The following NBPF20 variants were observed in gnomAD, a reference collection of about 807,000 sequenced individuals.
The protein encoded by NBPF20 is NBPF family member NBPF20.
In NBPF20, 90 loss-of-function variants were observed where a neutral mutation model predicts 68.1. The ratio of observed to expected loss-of-function variants is 1.32; its 90% confidence interval spans 1.11 to 1.58. NBPF20 has a LOEUF of 1.58. NBPF20 is among the 40% of genes most tolerant of loss of function. The pLI is 0.00. For synonymous variants in NBPF20, 290 were observed against 228.1 expected (o/e 1.27, Z -2.45); for missense variants, 816 against 601.2 (o/e 1.36, Z -3.74).
At chr1:145,392,967 C>T in intron 10 of NBPF20, 107 bp downstream of exon 15, 7 of 343,856 alleles carry the variant, frequency 2.0e-5, no homozygotes, top group South Asian at 1.3e-4. Flanking sequence ...TAGGACCTCC[C>T]TGTGGCAATG....
chr1:145,306,148 G>C, intron 119 of NBPF20, 83 bp from the exon 125 acceptor site: 1 of 325,452 alleles, frequency 3.1e-6, no homozygotes, highest in South Asian at 3.4e-5. Context: ...GGGTAGCATA[G>C]GGAAGTGGTT....
chr1:145,419,213 T>G, the NBPF20 span, among the ~76,000 whole-genome samples: 4 of 127,806 alleles, frequency 3.1e-5, no homozygotes, highest in Admixed American at 1.6e-4. Flanking sequence ...AGAAAAAGAG[T>G]GGGAGAGAAG....
intron 7 of NBPF20, among the ~76,000 whole-genome samples, chr1:145,398,441 C>A (rs1353134566): frequency 2.4e-4 from 36 of 152,178 alleles, no homozygotes; most frequent in Admixed American, 1.4e-3. Flanking sequence ...AACCGCACAA[C>A]TACATGGAAA....
the NBPF20 span, among the ~76,000 whole-genome samples, chr1:145,425,315 G>A: frequency 6.5e-5 from 9 of 138,526 alleles, no homozygotes; most frequent in Non-Finnish European, 1.2e-4. Flanking sequence ...CGCGGGTCCC[G>A]GACTCACCGC....
chr1:145,400,999 C>T lies in NBPF20; in HGVS notation c.566+60G>A, dbSNP rs1662496605. The stretch of plus-strand genomic sequence containing the variant: ...GATCATAGATGCCAGAGAGGGTGTG[C>T]CTCCTAGATATTCCTCATATGTTAC... On this transcript the variant is annotated intron_variant, in intron 5 of 137. Transcript: ENST00000369373. The T allele has an allele frequency of 2.8e-5, 42 of 1,527,200 alleles. No homozygotes were observed. The South Asian group carries it at 3.8e-4, about 14-fold the overall frequency. 94.6% of individuals were successfully genotyped at this position (1,527,200 alleles called of 1,614,324 possible). A position where few individuals can be genotyped will look rare whatever the true frequency, so the allele number is the denominator to read the frequency against.
In NBPF20 at chr1:145,400,571, T is replaced by C. The variant is rs1433220737; in HGVS notation, c.590A>G (p.Lys197Arg). Residue 197 changes from lysine to arginine, a missense_variant, in exon 6 of 138, where the codon AAG (lysine) becomes AGG (arginine). Transcript: ENST00000369373. ...CTCCTGTGAGTCCTCAGGGACTTCC[T>C]TTTCTTCAGCCTTCTGCATCTCCCT... 893 of 1,612,162 alleles carry C rather than the reference T, an allele frequency of 5.5e-4. 10 individuals carry two copies. In the East Asian group the frequency reaches 0.016, roughly 28 times the overall value.
chr1:145,312,277 A>G, exon 112 of NBPF20: 1 of 132,464 alleles, frequency 7.5e-6, no homozygotes, highest in South Asian at 4.9e-5. Flanking sequence ...TAGGGCTGGC[A>G]TGAGTCAGTC....
chr1:145,408,468 A>G (rs2749201), upstream of NBPF20, among the ~76,000 whole-genome samples: 2 of 152,044 alleles, frequency 1.3e-5, no homozygotes, highest in African/African-American at 2.4e-5. Context: ...GTATTCTTTC[A>G]CTTTGATATA....
chr1:145,417,681 T>C, the NBPF20 span, among the ~76,000 whole-genome samples: 1 of 129,556 alleles, frequency 7.7e-6, no homozygotes, highest in Non-Finnish European at 1.6e-5. Flanking sequence ...GATATACAGA[T>C]GGCAAATAAG....
intron 3 of NBPF20, among the ~76,000 whole-genome samples, 153 bp downstream of exon 8, chr1:145,403,063 T>C (rs1460294801): frequency 1.3e-4 from 20 of 152,208 alleles, no homozygotes; most frequent in African/African-American, 4.6e-4. Flanking sequence ...ATCCTTCTTC[T>C]CTGTTTGATA....
chr1:145,396,872 C>T (rs1295068526), intron 7 of NBPF20, among the ~76,000 whole-genome samples: 1 of 133,468 alleles, frequency 7.5e-6, no homozygotes, highest in African/African-American at 2.8e-5. Context: ...CACCCATTAA[C>T]TCATCATTTA....
chr1:145,290,308 G>T (rs1553656975), exon 138 of NBPF20: 1 of 149,174 alleles, frequency 6.7e-6, no homozygotes. Context: ...AAAAGGGACA[G>T]ATCTCCTAGA....
exon 2 of NBPF20, chr1:145,405,129 G>A (rs782752199): frequency 9.4e-5 from 152 of 1,613,628 alleles, no homozygotes; most frequent in Admixed American, 1.0e-4. Context: ...CCAGGAAGCC[G>A]GCCAGTTGAG....
At chr1:145,407,403 T>C (rs1662839661), upstream of NBPF20, among the ~76,000 whole-genome samples, 1 of 145,292 alleles carries the variant, frequency 6.9e-6, no homozygotes, top group Non-Finnish European at 1.5e-5. Context: ...TGTATATATA[T>C]TATACACATA....
Position 145,405,474 on chromosome 1 carries a change from A to C in NBPF20, c.-100T>G, listed in dbSNP as rs613569. On this transcript the variant is annotated 5_prime_UTR_variant, in exon 1 of 138. Transcript: ENST00000369373. ...ATCCTTCACCACAAAAACAAGGTTC[A>C]AGGTGCCTCAACTCAGAGCTGAAAG... is the stretch of plus-strand genomic sequence containing the variant. 2.2e-4 allele frequency: 330 copies of C among 1,518,500 alleles called. 1 individual carries two copies. Among genetic ancestry groups the C allele is most frequent in the East Asian group, 2.4e-4 (10 of 41,744 alleles). The allele number at this position is 1,518,500 out of a possible 1,614,324, so 94.1% of individuals were successfully genotyped here.
Position 145,402,380 on chromosome 1 carries a change from G to A in NBPF20, c.280C>T (p.Gln94Ter). The change falls in exon 4 of 138, where the codon CAA becomes TAA. Residue 94 changes from glutamine (Q) to a stop codon, truncating the protein, a stop_gained and splice_region_variant. Transcript: ENST00000369373. LOFTEE classifies it high-confidence loss of function. ...TGAGCGTGAACCAGGACTTTATATT[G>A]CCTAAGGTGAGACGGTAGAGAAAAT... The A allele has an allele frequency of 6.2e-7, 1 of 1,602,892 alleles. No homozygotes were observed. The highest frequency in any genetic ancestry group is 1.1e-5 in the South Asian group (1 of 90,816).
At chr1:145,419,274 T>TG in the NBPF20 span, among the ~76,000 whole-genome samples, 1 of 152,100 alleles carries the variant, frequency 6.6e-6, no homozygotes, top group Non-Finnish European at 1.5e-5. Context: ...CAAATTTACA[T>TG]GAAGATGAGA....
the NBPF20 span, among the ~76,000 whole-genome samples, chr1:145,412,139 C>G: frequency 6.7e-6 from 1 of 150,314 alleles, no homozygotes; most frequent in Non-Finnish European, 1.5e-5. Context: ...AGAAGGCAGA[C>G]CCATCCCTGC....
intron 7 of NBPF20, among the ~76,000 whole-genome samples, chr1:145,395,760 CCTGA>C (rs2101546637): frequency 6.7e-6 from 1 of 148,286 alleles, no homozygotes; most frequent in East Asian, 1.9e-4. Flanking sequence ...AGCTGAGGGA[CCTGA>C]CTGTTAGAAG....
Sources: gnomAD v4.1 joint callset for allele counts (sites outside exome capture counted in the v4.1 genomes callset) on GRCh38, gnomAD v4.1.1 for gene constraint, MANE v1.5 for transcripts, NCBI Gene and HGNC (gene_info 2026-07-23, HGNC 2026-07-21) for gene names.